NDUFS1: variants seen among roughly 807,000 people sequenced by gnomAD.
NDUFS1 encodes NADH-ubiquinone oxidoreductase 75 kDa subunit, mitochondrial.
In NDUFS1, 61 loss-of-function variants were observed where a neutral mutation model predicts 84.4. The observed-to-expected ratio is 0.72, with a 90% CI of 0.59 to 0.89. NDUFS1 has a LOEUF of 0.89. NDUFS1 is among the 40% of genes least tolerant of loss of function. NDUFS1 has a pLI of 0.00. For missense variants in NDUFS1, 891 were observed against 890.0 expected (o/e 1.00, Z -0.01); for synonymous variants, 275 against 290.0 (o/e 0.95, Z 0.53).
At position 206,120,572 on chromosome 2, in the gene NDUFS1, T is replaced by C. The variant is rs1691067319; in HGVS notation, c.*3613A>G. The C allele has an allele frequency of 6.6e-6, 1 of 152,198 alleles. No individual in the cohort carries two copies. Among genetic ancestry groups the C allele is most frequent in the African/African-American group, 2.4e-5 (1 of 41,414 alleles). The allele number at this position is 152,198 out of a possible 1,614,324, so 9.4% of individuals were successfully genotyped here. On this transcript the variant is annotated 3_prime_UTR_variant, in exon 19 of 19. Transcript: ENST00000233190. The stretch of plus-strand genomic sequence containing the variant: ...TCCAGGCCCTAGGAATCTGTGGAAG[T>C]TTGAACTTAAGAGTGATGACTTAGG...
rs1690948913 is a variant in NDUFS1 at position 206,116,545 on chromosome 2, G to A, written c.*7640C>T. 5.2e-6 allele frequency: 4 copies of A among 763,326 alleles called. No homozygotes were observed. The highest frequency in any genetic ancestry group is 4.8e-5 in the Admixed American group (2 of 41,658). The allele number at this position is 763,326 out of a possible 1,614,324, so 47.3% of individuals were successfully genotyped here. On this transcript the variant is annotated 3_prime_UTR_variant, in exon 19 of 19. Coordinates refer to ENST00000233190, the MANE Select transcript of NDUFS1 (RefSeq NM_005006.7). Reference sequence around the variant, plus strand: ...TGGCAGCGCTACGCCTCAGCCACTCGCGCGGGGAGGCGGGGCGGTGTGGGC... The same window carrying A: ...TGGCAGCGCTACGCCTCAGCCACTCACGCGGGGAGGCGGGGCGGTGTGGGC...
At chr2:206,132,200 T>G (rs570168088) in intron 14 of NDUFS1, among the ~76,000 whole-genome samples, 4 of 152,274 alleles carry the variant, frequency 2.6e-5, no homozygotes, top group African/African-American at 9.6e-5. Flanking sequence ...GTAATAATTA[T>G]CTACACATTG....
chr2:206,129,732 C>T (rs554498609), intron 15 of NDUFS1, among the ~76,000 whole-genome samples: 34 of 151,996 alleles, frequency 2.2e-4, no homozygotes, highest in African/African-American at 8.2e-4. Context: ...GCTGGGATTA[C>T]AGGCGCCCGC....
At position 206,140,943 on chromosome 2, in the gene NDUFS1, T is replaced by TATACACACACACACACACACAC. The variant is rs367723817; in HGVS notation, c.1262+997_1262+998insGTGTGTGTGTGTGTGTGTGTAT. 1.9e-3 allele frequency among the ~76,000 whole-genome samples: 258 copies of TATACACACACACACACACACAC among 136,118 alleles called. 3 individuals are homozygous for TATACACACACACACACACACAC. The highest frequency in any genetic ancestry group is 6.5e-3 in the African/African-American group (233 of 35,972). 89.3% of individuals were successfully genotyped at this position (136,118 alleles called of 152,430 possible). A position where few individuals can be genotyped will look rare whatever the true frequency, so the allele number is the denominator to read the frequency against. On this transcript the variant is annotated intron_variant, in intron 12 of 18. Transcript: ENST00000233190. ...GTGTGTATATATATATATATATATA[T>TATACACACACACACACACACAC]ACACACACACTGAGAATCATAATAC...
rs1280433557 is a variant in NDUFS1, at chr2:206,126,545, T to C, written c.2086A>G (p.Met696Val). ...PPQLTIKDFY[M>V]TDSISRASQT... ...CATGTTGACAATTACATACCTGTCA[T>C]GTAGAAGTCTTTTATAGTTAGCTGA... The change falls in exon 18 of 19, where the codon ATG becomes GTG. Residue 696 changes from methionine to valine, a missense_variant. Met to Val is a conservative substitution (Grantham distance 21). Coordinates refer to ENST00000233190, the MANE Select transcript of NDUFS1 (RefSeq NM_005006.7). The C allele has an allele frequency of 6.8e-6, 11 of 1,614,032 alleles. No individual in the cohort carries two copies. In the South Asian group the frequency reaches 7.7e-5, roughly 11 times the overall value.
chr2:206,148,854 C>T (rs1295057190), intron 5 of NDUFS1, among the ~76,000 whole-genome samples, 166 bp downstream of exon 5: 3 of 152,184 alleles, frequency 2.0e-5, no homozygotes, highest in African/African-American at 7.2e-5. Context: ...CTCCTGACTT[C>T]ACCTTCTCTA....
At chr2:206,157,004 T>C (rs527884923) in intron 1 of NDUFS1, among the ~76,000 whole-genome samples, 15 of 152,298 alleles carry the variant, frequency 9.8e-5, no homozygotes, top group African/African-American at 2.2e-4. Flanking sequence ...GTCACCCAGG[T>C]TGTAGTGCAA....
intron 3 of NDUFS1, among the ~76,000 whole-genome samples, chr2:206,151,218 T>G (rs1200028921): frequency 6.6e-6 from 1 of 152,232 alleles, no homozygotes; most frequent in Non-Finnish European, 1.5e-5. Flanking sequence ...TAAGCTCTTC[T>G]GCATAGCAGA....
chr2:206,127,867 T>A lies in NDUFS1; in HGVS notation c.1814A>T (p.Gln605Leu), dbSNP rs758981403. 4 of 1,614,152 alleles carry A rather than the reference T, an allele frequency of 2.5e-6. 1 individual carries two copies. The Admixed American group carries it at 6.7e-5, about 27-fold the overall frequency. The change falls in exon 16 of 19, where the codon CAG (glutamine) becomes CTG (leucine). Residue 605 changes from glutamine (Q) to leucine (L), a missense_variant. Physicochemically the swap from Gln to Leu is moderately radical, Grantham distance 113. Transcript: ENST00000233190. ...AGGAGGTGTCACTGCTACCTTAGTC[T>A]GCTGAGCTCTACCCTCAGTGTTGAC... ...TYVNTEGRAQ[Q>L]TKVAVTPPGL...
In NDUFS1 at chr2:206,116,330, C is replaced by T. The variant is rs1264136218; in HGVS notation, c.*7855G>A. On this transcript the variant is annotated 3_prime_UTR_variant, in exon 19 of 19. Coordinates refer to ENST00000233190, the MANE Select transcript of NDUFS1 (RefSeq NM_005006.7). ...AGCAGCTTTCACACTCTCCAAAGCA[C>T]CAAACTCATCTTGTTTGTTCAATTT... The T allele has an allele frequency of 1.1e-6, 1 of 895,558 alleles. No individual in the cohort carries two copies. The highest frequency in any genetic ancestry group is 1.9e-6 in the Non-Finnish European group (1 of 524,008). 55.5% of individuals were successfully genotyped at this position (895,558 alleles called of 1,614,324 possible). A position where few individuals can be genotyped will look rare whatever the true frequency, so the allele number is the denominator to read the frequency against.
chr2:206,147,016 T>C lies in NDUFS1; in HGVS notation c.624A>G (p.Thr208=). 6.2e-7 allele frequency: 1 copy of C among 1,614,146 alleles called. No individual in the cohort carries two copies. The highest frequency in any genetic ancestry group is 8.5e-7 in the Non-Finnish European group (1 of 1,179,990). ...TGRGNDMQVG[T]YIEKMFMSEL... ...CAGACATGAACATCTTTTCAATGTA[T>C]GTGCCAACTTGCATATCATTTCCTC... is the stretch of plus-strand genomic sequence containing the variant. Residue 208 remains threonine, a synonymous_variant, in exon 8 of 19, where the codon ACA becomes ACG. Coordinates refer to ENST00000233190, the MANE Select transcript of NDUFS1 (RefSeq NM_005006.7).
intron 14 of NDUFS1, 25 bp downstream of exon 14, chr2:206,132,920 T>C (rs1053104072): frequency 1.9e-6 from 3 of 1,588,902 alleles, no homozygotes; most frequent in Non-Finnish European, 2.6e-6. Context: ...GAATTTATAG[T>C]ATATAAAGCA....
At chr2:206,157,249 C>T (rs1405383947) in intron 1 of NDUFS1, among the ~76,000 whole-genome samples, 1 of 152,180 alleles carries the variant, frequency 6.6e-6, no homozygotes, top group Non-Finnish European at 1.5e-5. Context: ...CCGCGCCTGG[C>T]AGACAACCAA....
intron 3 of NDUFS1, 98 bp from the exon 4 acceptor site, chr2:206,150,023 T>TTCTACCTATCTA: frequency 2.9e-6 from 2 of 691,184 alleles, no homozygotes; most frequent in Non-Finnish European, 2.5e-6. Context: ...ATCTTATTAC[T>TTCTACCTATCTA]TCTATCTATC....
chr2:206,141,316 G>A (rs945005361), intron 12 of NDUFS1, among the ~76,000 whole-genome samples: 13 of 151,664 alleles, frequency 8.6e-5, no homozygotes, highest in African/African-American at 2.2e-4. Flanking sequence ...AGGCTGAGGC[G>A]GGCGGATCAC....
rs1692275422 is a variant in NDUFS1 at position 206,149,158 on chromosome 2, AATAT to A, written c.262-66_262-63del. On this transcript the variant is annotated intron_variant, in intron 4 of 18. Coordinates refer to ENST00000233190, the MANE Select transcript of NDUFS1 (RefSeq NM_005006.7). Reference sequence around the variant, plus strand: ...ATTTATTTGTGATTACAAGCAACTCAATATATAAAAATGTTAAATTATATAAAAA... The same window carrying A: ...ATTTATTTGTGATTACAAGCAACTCAATAAAAATGTTAAATTATATAAAAA... 7.7e-6 allele frequency: 9 copies of A among 1,173,560 alleles called. No individual in the cohort carries two copies. The Admixed American group carries it at 9.0e-5, about 12-fold the overall frequency. 72.7% of individuals were successfully genotyped at this position (1,173,560 alleles called of 1,614,324 possible).
Position 206,126,784 on chromosome 2 carries a change from C to A in NDUFS1, c.1945G>T (p.Val649Phe), listed in dbSNP as rs1044049. 6.2e-7 allele frequency: 1 copy of A among 1,614,154 alleles called. No individual in the cohort carries two copies. Among genetic ancestry groups the A allele is most frequent in the Admixed American group, 1.7e-5 (1 of 60,026 alleles). The change falls in exon 17 of 19, where the codon GTC becomes TTC. Residue 649 changes from valine (V) to phenylalanine (F), a missense_variant. Coordinates refer to ENST00000233190, the MANE Select transcript of NDUFS1 (RefSeq NM_005006.7). ...LDQVRNRLEEVSPNLVRYDDI... is the reference protein window; with the variant it reads ...LDQVRNRLEEFSPNLVRYDDI... Reference sequence around the variant, plus strand: ...TCATATCGAACAAGATTAGGAGAGACTTCTTCCAATCTGTTCCTTACTTGA... The same window carrying A: ...TCATATCGAACAAGATTAGGAGAGAATTCTTCCAATCTGTTCCTTACTTGA...
chr2:206,146,654 T>C (rs1019270409), intron 8 of NDUFS1, among the ~76,000 whole-genome samples: 11 of 152,202 alleles, frequency 7.2e-5, no homozygotes, highest in African/African-American at 2.7e-4. Context: ...TTAAACTCTT[T>C]GGAAGAACAC....
chr2:206,153,520 T>A, intron 2 of NDUFS1, 98 bp downstream of exon 2: 10 of 741,286 alleles, frequency 1.3e-5, no homozygotes, highest in African/African-American at 1.8e-5. Flanking sequence ...TTTTAAAAAA[T>A]CATGGGTTTA....
Sources: allele counts gnomAD v4.1 joint callset (sites outside exome capture counted in the v4.1 genomes callset), GRCh38; gene constraint gnomAD v4.1.1; transcripts MANE v1.5; gene names NCBI Gene and HGNC (gene_info 2026-07-23, HGNC 2026-07-21).